Variants in FAM168A observed in about 807,000 individuals in gnomAD.
The protein encoded by FAM168A is family with sequence similarity 168 member A, also known as protein FAM168A.
FAM168A carries 3 observed loss-of-function variants against 28.5 expected under a neutral mutation model. That is an observed-to-expected ratio of 0.11 (90% CI 0.05 to 0.27). The LOEUF (loss-of-function observed/expected upper bound fraction) is 0.27, where lower values mean the gene tolerates loss of function less well. FAM168A is among the 10% of genes least tolerant of loss of function. FAM168A has a pLI of 1.00. For missense variants in FAM168A, 222 were observed against 311.5 expected, an observed-to-expected ratio of 0.71 and a Z score of 2.16; for synonymous variants, 122 against 124.2, an observed-to-expected ratio of 0.98 and a Z score of 0.12.
chr11:73,429,781 C>T (rs1866951519), intron 3 of FAM168A, among the ~76,000 whole-genome samples: 1 of 152,232 alleles, frequency 6.6e-6, no homozygotes, highest in Non-Finnish European at 1.5e-5. Context: ...AGTTTATATG[C>T]CAGGCTCCCA....
Position 73,411,484 on chromosome 11 carries a change from A to G in FAM168A, c.330T>C (p.Ala110=). 1.2e-6 allele frequency: 2 copies of G among 1,613,872 alleles called. No individual in the cohort carries two copies. The highest frequency in any genetic ancestry group is 2.2e-5 in the South Asian group (2 of 91,070). The change falls in exon 5 of 8, where the codon GCT becomes GCC. Residue 110 remains alanine, a synonymous_variant. Transcript: ENST00000356467. The part of the protein sequence containing the change: ...YKVPPTQSNT[A]PPPYSPSPNP... ...TGGGTGATGGGGAGTAGGGGGGTGG[A>G]GCAGTGTTACTCTGGGTCGGTGGGA...
intron 1 of FAM168A, among the ~76,000 whole-genome samples, chr11:73,470,961 CAGG>C (rs1019154154): frequency 3.9e-5 from 6 of 152,190 alleles, no homozygotes; most frequent in African/African-American, 9.7e-5. Flanking sequence ...GCCACTGCCA[CAGG>C]AGGAGATCAT....
At chr11:73,597,307 A>G (rs1440144831) in intron 1 of FAM168A, among the ~76,000 whole-genome samples, 2 of 151,962 alleles carry the variant, frequency 1.3e-5, no homozygotes, top group African/African-American at 2.4e-5. Context: ...AAATTCCACC[A>G]GCCCCAGATG....
At chr11:73,562,722 A>C (rs1266209977) in intron 1 of FAM168A, among the ~76,000 whole-genome samples, 1 of 152,120 alleles carries the variant, frequency 6.6e-6, no homozygotes, top group Non-Finnish European at 1.5e-5. Context: ...AGCTACTTGG[A>C]TGCTGAGACA....
At chr11:73,597,505 C>G (rs890418889) in intron 1 of FAM168A, among the ~76,000 whole-genome samples, 1 of 151,992 alleles carries the variant, frequency 6.6e-6, no homozygotes, top group Admixed American at 6.6e-5. Context: ...TGCCCCTCAC[C>G]CCAGCTCAGA....
chr11:73,497,720 G>A (rs1854921785), intron 1 of FAM168A, among the ~76,000 whole-genome samples: 1 of 152,092 alleles, frequency 6.6e-6, no homozygotes, highest in African/African-American at 2.4e-5. Context: ...CTTGGACACA[G>A]AGCAGGGAAC....
chr11:73,441,905 T>C (rs1223940182), intron 2 of FAM168A, among the ~76,000 whole-genome samples: 1 of 152,194 alleles, frequency 6.6e-6, no homozygotes, highest in Non-Finnish European at 1.5e-5. Context: ...TCTCTTTTGT[T>C]CTTCATCAGC....
chr11:73,562,330 C>A (rs1259938538), intron 1 of FAM168A, among the ~76,000 whole-genome samples: 1 of 152,206 alleles, frequency 6.6e-6, no homozygotes, highest in Non-Finnish European at 1.5e-5. Flanking sequence ...CTGAAAGGTT[C>A]TTTTGGGGAT....
At chr11:73,593,103 G>T (rs1944400885) in intron 1 of FAM168A, among the ~76,000 whole-genome samples, 1 of 151,916 alleles carries the variant, frequency 6.6e-6, no homozygotes, top group Non-Finnish European at 1.5e-5. Context: ...TACTGTTTAG[G>T]GATATGCACA....
At chr11:73,543,785 T>A (rs1459331503) in intron 1 of FAM168A, among the ~76,000 whole-genome samples, 1 of 152,192 alleles carries the variant, frequency 6.6e-6, no homozygotes. Context: ...TAAGCTCTTT[T>A]GGGTGCAGAG....
intron 1 of FAM168A, among the ~76,000 whole-genome samples, chr11:73,571,783 C>A (rs529836943): frequency 1.3e-5 from 2 of 151,620 alleles, no homozygotes; most frequent in East Asian, 2.0e-4. Flanking sequence ...CGGCCGCCAT[C>A]CACCTAGGAA....
intron 1 of FAM168A, among the ~76,000 whole-genome samples, chr11:73,488,006 A>T (rs1385766165): frequency 2.0e-5 from 3 of 152,216 alleles, no homozygotes; most frequent in Non-Finnish European, 4.4e-5. Flanking sequence ...ACCCTGGTTA[A>T]ATTCAGTCAC....
chr11:73,500,859 G>A (rs559659657), intron 1 of FAM168A, among the ~76,000 whole-genome samples: 1 of 152,194 alleles, frequency 6.6e-6, no homozygotes, highest in East Asian at 1.9e-4. Flanking sequence ...AAATGTAAAT[G>A]GGCTAAATGC....
chr11:73,471,811 AAG>A (rs1189287588), intron 1 of FAM168A, among the ~76,000 whole-genome samples: 3 of 152,342 alleles, frequency 2.0e-5, no homozygotes, highest in Non-Finnish European at 2.9e-5. Flanking sequence ...AGGGGGAAGA[AAG>A]AGAGATTTTT....
At chr11:73,518,209 T>C (rs1943329359) in intron 1 of FAM168A, among the ~76,000 whole-genome samples, 2 of 152,086 alleles carry the variant, frequency 1.3e-5, no homozygotes, top group Admixed American at 1.3e-4. Context: ...TGAATCAATC[T>C]CCCAGGGAAG....
In FAM168A at chr11:73,411,487, A is replaced by T. The variant is rs778429517; in HGVS notation, c.327T>A (p.Thr109=). 6.2e-7 allele frequency: 1 copy of T among 1,613,796 alleles called. No individual in the cohort carries two copies. Among genetic ancestry groups the T allele is most frequent in the African/African-American group, 1.3e-5 (1 of 74,890 alleles). The change falls in exon 5 of 8, where the codon ACT becomes ACA. Residue 109 remains threonine (T), a synonymous_variant. Coordinates refer to ENST00000356467, the MANE Select transcript of FAM168A (RefSeq NM_015159.3). ...PYKVPPTQSN[T]APPPYSPSPN... is the part of the protein sequence containing the mutation. ...GTGATGGGGAGTAGGGGGGTGGAGC[A>T]GTGTTACTCTGGGTCGGTGGGACCT...
At chr11:73,544,646 T>C (rs1943701437) in intron 1 of FAM168A, among the ~76,000 whole-genome samples, 1 of 139,504 alleles carries the variant, frequency 7.2e-6, no homozygotes, top group South Asian at 2.1e-4. Context: ...CTTGAAAAAA[T>C]ATATACAATT....
At chr11:73,456,889 G>A (rs1007454301) in intron 2 of FAM168A, among the ~76,000 whole-genome samples, 1 of 152,234 alleles carries the variant, frequency 6.6e-6, no homozygotes, top group African/African-American at 2.4e-5. Context: ...TAGATGGGCA[G>A]TAAGGACCTT....
chr11:73,451,433 A>C (rs1867427495), intron 2 of FAM168A, among the ~76,000 whole-genome samples: 1 of 152,210 alleles, frequency 6.6e-6, no homozygotes, highest in African/African-American at 2.4e-5. Flanking sequence ...AACCAATATT[A>C]ATTGAGAGTT....
Sources: gnomAD v4.1 joint callset for allele counts (sites outside exome capture counted in the v4.1 genomes callset) on GRCh38, gnomAD v4.1.1 for gene constraint, MANE v1.5 for transcripts, NCBI Gene and HGNC (gene_info 2026-07-23, HGNC 2026-07-21) for gene names.